The following LRP1B variants were observed in gnomAD, a reference collection of about 807,000 sequenced individuals.
LRP1B encodes low-density lipoprotein receptor-related protein 1B.
A neutral mutation model predicts 556.6 loss-of-function variants in LRP1B; 217 were observed. The observed-to-expected ratio is 0.39, with a 90% CI of 0.35 to 0.44. LRP1B has a LOEUF of 0.44. LRP1B is among the 20% of genes least tolerant of loss of function. The probability of loss-of-function intolerance (pLI) is 1.00; values close to 1 mark genes in which losing one functional copy is unlikely to be tolerated. For missense variants in LRP1B, 5,053 were observed against 5,620.8 expected (o/e 0.90, Z 3.23); for synonymous variants, 2,047 against 1,865.8 (o/e 1.10, Z -2.50).
At chr2:141,358,807 G>A (rs140741417) in intron 3 of LRP1B, among the ~76,000 whole-genome samples, 2 of 152,060 alleles carry the variant, frequency 1.3e-5, no homozygotes, top group African/African-American at 4.8e-5. Context: ...AAAATAATAC[G>A]ACATAATTGG....
chr2:141,007,973 A>G lies in LRP1B; in HGVS notation c.2381-2516T>C, dbSNP rs538199301. 4.1e-4 allele frequency among the ~76,000 whole-genome samples: 62 copies of G among 151,740 alleles called. 1 individual carries two copies. The highest frequency in any genetic ancestry group is 1.2e-3 in the African/African-American group (50 of 41,544). On this transcript the variant is annotated intron_variant, in intron 14 of 90. Transcript: ENST00000389484. ...AATCTAAATTAATTTGAATAATTCC[A>G]TATCTCTCCTCAGAAGGGCTTAGAT...
intron 2 of LRP1B, among the ~76,000 whole-genome samples, chr2:141,525,540 A>G (rs1684667870): frequency 6.6e-6 from 1 of 152,046 alleles, no homozygotes; most frequent in Non-Finnish European, 1.5e-5. Context: ...TTTTTGTAAG[A>G]CACTCAGGGA....
At chr2:140,687,924 A>G (rs1204297693) in intron 41 of LRP1B, among the ~76,000 whole-genome samples, 1 of 152,168 alleles carries the variant, frequency 6.6e-6, no homozygotes, top group Non-Finnish European at 1.5e-5. Flanking sequence ...TTCATCACCC[A>G]GCCCCTCAAA....
chr2:141,628,379 A>G (rs1411118665), intron 2 of LRP1B, among the ~76,000 whole-genome samples: 1 of 152,080 alleles, frequency 6.6e-6, no homozygotes, highest in Non-Finnish European at 1.5e-5. Flanking sequence ...CTGTCTCCTT[A>G]TTGGTCAGTC....
At chr2:141,761,713 G>T (rs1180103783) in intron 2 of LRP1B, among the ~76,000 whole-genome samples, 1 of 152,046 alleles carries the variant, frequency 6.6e-6, no homozygotes, top group African/African-American at 2.4e-5. Flanking sequence ...ACATTTTCAG[G>T]CAGCCTGTGC....
intron 1 of LRP1B, among the ~76,000 whole-genome samples, chr2:141,979,301 T>C (rs1458132627): frequency 2.0e-5 from 3 of 152,092 alleles, no homozygotes; most frequent in Non-Finnish European, 4.4e-5. Flanking sequence ...CAAATATGAA[T>C]ACTTCAAACT....
At chr2:142,047,648 C>T (rs1009646397) in intron 1 of LRP1B, among the ~76,000 whole-genome samples, 9 of 151,832 alleles carry the variant, frequency 5.9e-5, no homozygotes, top group African/African-American at 1.7e-4. Context: ...CACTGCATCT[C>T]GCAGCTTTTC....
intron 1 of LRP1B, among the ~76,000 whole-genome samples, chr2:141,997,055 C>A: frequency 6.6e-6 from 1 of 152,074 alleles, no homozygotes; most frequent in Non-Finnish European, 1.5e-5. Flanking sequence ...AGTGCACAGA[C>A]CAGGGTCAAG....
chr2:141,300,619 C>G (rs1352686441), intron 3 of LRP1B, among the ~76,000 whole-genome samples: 1 of 152,144 alleles, frequency 6.6e-6, no homozygotes, highest in Non-Finnish European at 1.5e-5. Flanking sequence ...TTGGTGCTAT[C>G]ATCCCTAAAG....
chr2:140,974,891 T>C (rs1025436968), intron 18 of LRP1B, among the ~76,000 whole-genome samples: 1 of 152,150 alleles, frequency 6.6e-6, no homozygotes, highest in African/African-American at 2.4e-5. Context: ...TCCATGAGAA[T>C]CATTCATGAA....
chr2:141,013,499 T>C (rs1573981154), intron 14 of LRP1B, 57 bp downstream of exon 14: 2 of 1,343,836 alleles, frequency 1.5e-6, no homozygotes, highest in East Asian at 5.0e-5. Flanking sequence ...TTTTATAACT[T>C]CTGTGAAGTA....
intron 1 of LRP1B, among the ~76,000 whole-genome samples, chr2:141,877,738 T>G (rs1698817510): frequency 6.6e-6 from 1 of 151,862 alleles, no homozygotes. Flanking sequence ...GAAGGTAGAG[T>G]GTTGAATCAG....
intron 18 of LRP1B, among the ~76,000 whole-genome samples, chr2:140,980,282 T>C (rs1247673665): frequency 6.6e-6 from 1 of 152,128 alleles, no homozygotes. Flanking sequence ...ATTCTCTGAA[T>C]GAGTATGCTC....
intron 1 of LRP1B, among the ~76,000 whole-genome samples, chr2:141,825,144 T>C (rs1050779077): frequency 2.0e-5 from 3 of 152,228 alleles, no homozygotes; most frequent in African/African-American, 7.2e-5. Flanking sequence ...GGGAGCTCTT[T>C]GTAGCAGTGT....
chr2:141,870,677 C>T (rs1369534357), intron 1 of LRP1B, among the ~76,000 whole-genome samples: 1 of 151,850 alleles, frequency 6.6e-6, no homozygotes, highest in Non-Finnish European at 1.5e-5. Context: ...AGGAATTAAG[C>T]ACAAATCCAA....
At chr2:142,053,322 A>G (rs2105235329) in intron 1 of LRP1B, among the ~76,000 whole-genome samples, 1 of 152,292 alleles carries the variant, frequency 6.6e-6, no homozygotes, top group South Asian at 2.1e-4. Context: ...ATTCCAGAGC[A>G]CACATAGCTA....
At chr2:142,030,709 G>T (rs545919995) in intron 1 of LRP1B, among the ~76,000 whole-genome samples, 3 of 151,878 alleles carry the variant, frequency 2.0e-5, no homozygotes, top group Non-Finnish European at 4.4e-5. Context: ...AAATAAAGTT[G>T]TCTGTGTAAG....
At chr2:140,883,192 T>C (rs1693527993) in intron 25 of LRP1B, among the ~76,000 whole-genome samples, 1 of 152,102 alleles carries the variant, frequency 6.6e-6, no homozygotes, top group Non-Finnish European at 1.5e-5. Context: ...ATCCAGTGCC[T>C]CTCTTCTGCT....
intron 49 of LRP1B, among the ~76,000 whole-genome samples, chr2:140,524,614 G>A (rs1690341484): frequency 6.6e-6 from 1 of 151,888 alleles, no homozygotes; most frequent in Non-Finnish European, 1.5e-5. Flanking sequence ...ATTCTATGCA[G>A]TCATAAAAAA....
Sources: gnomAD v4.1 joint callset for allele counts (sites outside exome capture counted in the v4.1 genomes callset) on GRCh38, gnomAD v4.1.1 for gene constraint, MANE v1.5 for transcripts, NCBI Gene and HGNC (gene_info 2026-07-23, HGNC 2026-07-21) for gene names.